The following SPG7 variants were observed in gnomAD, a reference collection of about 807,000 sequenced individuals.
SPG7 encodes the protein SPG7 matrix AAA peptidase subunit, paraplegin.
Under a neutral mutation model 81.9 loss-of-function variants are expected in SPG7, and 103 were observed. That is an observed-to-expected ratio of 1.26 (90% confidence interval 1.07 to 1.48). The LOEUF is 1.48. Among genes scored for constraint, SPG7 ranks in the 40% most tolerant of loss-of-function variants. SPG7 has a pLI of 0.00. For missense variants in SPG7, 1,241 were observed against 1,087.3 expected (o/e 1.14, Z -1.99); for synonymous variants, 534 against 444.2 (o/e 1.20, Z -2.54).
intron 9 of SPG7, among the ~76,000 whole-genome samples, chr16:89,534,339 T>C (rs1011688035): frequency 6.6e-6 from 1 of 152,212 alleles, no homozygotes; most frequent in Non-Finnish European, 1.5e-5. Flanking sequence ...AGGATTTCCT[T>C]CCTCTTTGAG....
rs753904120 is a variant in SPG7 at position 89,529,582 on chromosome 16, A to G, written c.861+3A>G. On this transcript the variant is annotated splice_donor_region_variant and intron_variant, in intron 6 of 16. Transcript: ENST00000645818. ...GGGAAGGTGGATTCAGTGCTTTTGT[A>G]AGTTCTGTAAATCAGAGCTCTCTGA... The G allele has an allele frequency of 2.5e-6, 4 of 1,599,640 alleles. No homozygotes were observed. Among genetic ancestry groups the G allele is most frequent in the Non-Finnish European group, 3.4e-6 (4 of 1,167,164 alleles).
chr16:89,540,076 G>T (rs1243755957), intron 9 of SPG7: 7 of 152,578 alleles, frequency 4.6e-5, no homozygotes, highest in African/African-American at 1.7e-4. Context: ...GGGGGTCTGT[G>T]CTGGCTCTGT....
Position 89,524,095 on chromosome 16 carries a change from A to T in SPG7, c.466A>T (p.Asn156Tyr). 6.2e-7 allele frequency: 1 copy of T among 1,613,978 alleles called. No individual in the cohort carries two copies. Residue 156 changes from asparagine to tyrosine, a missense_variant, in exon 4 of 17, where the codon AAT (asparagine) becomes TAT (tyrosine). Physicochemically the swap from Asn to Tyr is moderately radical, Grantham distance 143. Coordinates refer to ENST00000645818, the MANE Select transcript of SPG7 (RefSeq NM_003119.4). ...CATCGCGGTTGTCATGAGCCTCCTG[A>T]ATGCTCTCAGCACCAGCGGAGGCAG... ...LVIAVVMSLL[N>Y]ALSTSGGSIS...
intron 7 of SPG7, 97 bp downstream of exon 7, chr16:89,530,905 C>G: frequency 1.9e-6 from 3 of 1,556,132 alleles, no homozygotes; most frequent in Non-Finnish European, 2.7e-6. Context: ...CCATCGATGA[C>G]GTGTCGTGGG....
At chr16:89,511,408 C>T (rs556567218) in intron 2 of SPG7, among the ~76,000 whole-genome samples, 146 of 152,314 alleles carry the variant, frequency 9.6e-4, no homozygotes, top group African/African-American at 3.2e-3. Context: ...TTTTATTTCA[C>T]GCTCCCCTTT....
rs772809547 is a variant in SPG7 at position 89,544,617 on chromosome 16, C to G, written c.1325-31C>G. On this transcript the variant is annotated intron_variant, in intron 9 of 16. Coordinates refer to ENST00000645818, the MANE Select transcript of SPG7 (RefSeq NM_003119.4). ...AATCTGTTGTGTCAGGACCCCTACCCTCAGAGCCACTGTCTGCTCTGTCCC... is the reference window on the plus strand; with the variant it reads ...AATCTGTTGTGTCAGGACCCCTACCGTCAGAGCCACTGTCTGCTCTGTCCC... 2.5e-6 allele frequency: 4 copies of G among 1,613,380 alleles called. No individual in the cohort carries two copies. In the African/African-American group the frequency reaches 4.0e-5, roughly 16 times the overall value.
intron 5 of SPG7, among the ~76,000 whole-genome samples, chr16:89,527,697 G>A (rs1433141398): frequency 6.6e-6 from 1 of 152,192 alleles, no homozygotes; most frequent in Non-Finnish European, 1.5e-5. Flanking sequence ...AGGTTCCTTA[G>A]TAGGACAAAT....
intron 9 of SPG7, chr16:89,538,487 G>A (rs923659027): frequency 3.3e-5 from 5 of 151,366 alleles, no homozygotes; most frequent in African/African-American, 9.7e-5. Context: ...TTCCCCGGGT[G>A]GACGAGGAGC....
At position 89,557,712 on chromosome 16, in the gene SPG7, T is replaced by C. The variant is rs1394279215; in HGVS notation, c.*619T>C. The C allele has an allele frequency of 1.3e-5, 2 of 155,678 alleles. No individual in the cohort carries two copies. The highest frequency in any genetic ancestry group is 2.4e-5 in the African/African-American group (1 of 41,474). 9.6% of individuals were successfully genotyped at this position (155,678 alleles called of 1,614,324 possible). ...GTGTTGGGGATGCCTTGGTTTTTAC[T>C]GCTCTGAGAATTGTTGAGATACTTT... On this transcript the variant is annotated 3_prime_UTR_variant, in exon 17 of 17. Transcript: ENST00000645818.
At chr16:89,526,654 C>T in intron 5 of SPG7, 186 bp downstream of exon 5, 1 of 641,490 alleles carries the variant, frequency 1.6e-6, no homozygotes, top group Non-Finnish European at 2.7e-6. Flanking sequence ...ATAGTTATCC[C>T]TGGGTATCCA....
At chr16:89,552,557 T>G in intron 13 of SPG7, 1 of 268,106 alleles carries the variant, frequency 3.7e-6, no homozygotes, top group Non-Finnish European at 7.5e-6. Flanking sequence ...TGTGGGGCTG[T>G]GGGGGAGCAG....
intron 9 of SPG7, among the ~76,000 whole-genome samples, chr16:89,536,503 G>A (rs988497253): frequency 8.6e-6 from 1 of 116,454 alleles, no homozygotes; most frequent in African/African-American, 3.1e-5. Context: ...AGGCAGGTGA[G>A]GTGAGGCGGG....
chr16:89,526,996 G>C, intron 5 of SPG7: 1 of 235,520 alleles, frequency 4.2e-6, no homozygotes, highest in Non-Finnish European at 8.6e-6. Context: ...CGAAGTCTCA[G>C]CCCCTGGTGT....
At chr16:89,552,883 G>A in intron 13 of SPG7, 96 bp from the exon 14 acceptor site, 1 of 1,223,644 alleles carries the variant, frequency 8.2e-7, no homozygotes, top group South Asian at 1.3e-5. Flanking sequence ...CCTGCTTTGA[G>A]ACGCTTTAAT....
At position 89,557,457 on chromosome 16, in the gene SPG7, CT is replaced by C. The variant is rs1373960808; in HGVS notation, c.*366del. On this transcript the variant is annotated 3_prime_UTR_variant, in exon 17 of 17. Transcript: ENST00000645818. The stretch of plus-strand genomic sequence containing the variant: ...AAACAGACCCCTGTTCATGCCGACG[CT>C]TGCACGACCGCCCCAGTTCCTGTGG... The C allele has an allele frequency of 3.3e-6, 1 of 307,026 alleles. No homozygotes were observed. Among genetic ancestry groups the C allele is most frequent in the African/African-American group, 2.2e-5 (1 of 46,334 alleles). The allele number at this position is 307,026 out of a possible 1,614,324, so 19.0% of individuals were successfully genotyped here.
At position 89,508,588 on chromosome 16, in the gene SPG7, C is replaced by T. The variant is rs1423929372; in HGVS notation, c.171C>T (p.Gly57=). 3 of 1,479,922 alleles carry T rather than the reference C, an allele frequency of 2.0e-6. No individual in the cohort carries two copies. The highest frequency in any genetic ancestry group is 2.7e-6 in the Non-Finnish European group (3 of 1,120,564). The allele number at this position is 1,479,922 out of a possible 1,614,324, so 91.7% of individuals were successfully genotyped here. A position where few individuals can be genotyped will look rare whatever the true frequency, so the allele number is the denominator to read the frequency against. ...RPPGDLAEAG[G]RALQSLQLRL... ...CGGGGGACCTCGCCGAGGCTGGAGGCCGAGCTCTGCAGGTAAATCCCCGCG... is the reference window on the plus strand; with the variant it reads ...CGGGGGACCTCGCCGAGGCTGGAGGTCGAGCTCTGCAGGTAAATCCCCGCG... Residue 57 remains glycine, a synonymous_variant, in exon 1 of 17, where the codon GGC becomes GGT. Coordinates refer to ENST00000645818, the MANE Select transcript of SPG7 (RefSeq NM_003119.4).
rs575474473 is a variant in SPG7, at chr16:89,546,955, C to T, written c.1552+195C>T. The T allele has an allele frequency of 2.5e-4, 150 of 593,872 alleles. 2 individuals carry two copies. The highest frequency in any genetic ancestry group is 2.3e-3 in the East Asian group (76 of 32,962). The allele number at this position is 593,872 out of a possible 1,614,324, so 36.8% of individuals were successfully genotyped here. On this transcript the variant is annotated intron_variant, in intron 11 of 16. Transcript: ENST00000645818. ...GGTCCAGACGGCACCCGCACTCCGT[C>T]CTCCGCCCCGGGGTGGAAAAGCAGA... is the stretch of plus-strand genomic sequence containing the variant.
At chr16:89,536,975 C>T in intron 9 of SPG7, 16 of 1,613,914 alleles carry the variant, frequency 9.9e-6, no homozygotes, top group Non-Finnish European at 1.4e-5. Flanking sequence ...CGATCTTCTC[C>T]ACATAACCTC....
intron 6 of SPG7, chr16:89,530,449 AT>A (rs1360406316): frequency 2.8e-5 from 16 of 579,938 alleles, no homozygotes; most frequent in South Asian, 3.8e-5. Flanking sequence ...TGGCTGAGTA[AT>A]TTTTTTTAAA....
Sources: allele counts gnomAD v4.1 joint callset (sites outside exome capture counted in the v4.1 genomes callset), GRCh38; gene constraint gnomAD v4.1.1; transcripts MANE v1.5; gene names NCBI Gene and HGNC (gene_info 2026-07-23, HGNC 2026-07-21).